YIPF7: variants seen among roughly 807,000 people sequenced by gnomAD.
YIPF7 encodes Yip1 domain family member 7.
A neutral mutation model predicts 27.2 loss-of-function variants in YIPF7; 35 were observed. The ratio of observed to expected loss-of-function variants is 1.29; its 90% CI spans 0.98 to 1.70. The LOEUF (loss-of-function observed/expected upper bound fraction) is 1.70. YIPF7 is among the 40% of genes most tolerant of loss of function. The pLI is 0.00. For missense variants in YIPF7, 358 were observed against 303.7 expected, an observed-to-expected ratio of 1.18 and a Z score of -1.33; for synonymous variants, 137 against 110.4, an observed-to-expected ratio of 1.24 and a Z score of -1.51.
upstream of YIPF7, among the ~76,000 whole-genome samples, chr4:44,652,837 C>T (rs534842048): frequency 4.6e-5 from 7 of 152,154 alleles, no homozygotes; most frequent in South Asian, 1.5e-3. Context: ...GTATTATTAT[C>T]CCATTTTACC....
At chr4:44,661,261 G>C (rs79747887) in intron 1 of YIPF7, among the ~76,000 whole-genome samples, 7,929 of 152,212 alleles carry the variant, frequency 0.052, 268 homozygotes, top group East Asian at 0.15. Flanking sequence ...TAAGACTTCA[G>C]ACAGATGTAA....
At chr4:44,625,330 T>A (rs1335915976) in intron 4 of YIPF7, among the ~76,000 whole-genome samples, 1 of 152,190 alleles carries the variant, frequency 6.6e-6, no homozygotes, top group African/African-American at 2.4e-5. Flanking sequence ...GCAGAGATGA[T>A]AAGTACCTTG....
intron 5 of YIPF7, among the ~76,000 whole-genome samples, chr4:44,623,809 T>C (rs1712523399): frequency 6.6e-6 from 1 of 152,180 alleles, no homozygotes; most frequent in African/African-American, 2.4e-5. Flanking sequence ...TATAAAGTTC[T>C]CCAACATTAA....
intron 3 of YIPF7, among the ~76,000 whole-genome samples, chr4:44,634,518 T>C (rs981432939): frequency 6.6e-6 from 1 of 151,874 alleles, no homozygotes. Flanking sequence ...GGCAACAGAG[T>C]AAGACTCCAT....
intron 1 of YIPF7, among the ~76,000 whole-genome samples, chr4:44,661,871 T>C (rs1714048717): frequency 6.6e-6 from 1 of 152,204 alleles, no homozygotes; most frequent in South Asian, 2.1e-4. Context: ...AATTACCAAG[T>C]TAATTGGTTT....
intron 2 of YIPF7, among the ~76,000 whole-genome samples, chr4:44,643,978 CCCACACAGAGTCT>C (rs1236545799): frequency 1.3e-5 from 2 of 152,050 alleles, no homozygotes; most frequent in Admixed American, 6.6e-5. Context: ...GGTTGAAGCC[CCCACACAGAGTCT>C]CCACACAGAG....
At chr4:44,661,592 T>C (rs180809872) in intron 1 of YIPF7, among the ~76,000 whole-genome samples, 1 of 152,330 alleles carries the variant, frequency 6.6e-6, no homozygotes. Context: ...TATGCATTTG[T>C]CATCCCTTGT....
chr4:44,641,726 A>G (rs1170869888), intron 2 of YIPF7, among the ~76,000 whole-genome samples: 1 of 152,216 alleles, frequency 6.6e-6, no homozygotes, highest in Non-Finnish European at 1.5e-5. Context: ...AAAGAAAGCC[A>G]CAGATATAGA....
chr4:44,622,949 G>A (rs888995120), intron 5 of YIPF7, among the ~76,000 whole-genome samples: 2 of 152,060 alleles, frequency 1.3e-5, no homozygotes, highest in East Asian at 3.9e-4. Flanking sequence ...CTCAAAAATT[G>A]GCCAACAGCG....
chr4:44,633,914 A>G (rs1713012048), intron 3 of YIPF7, among the ~76,000 whole-genome samples: 1 of 152,172 alleles, frequency 6.6e-6, no homozygotes, highest in African/African-American at 2.4e-5. Context: ...GGTACAAAGT[A>G]TTCCTTTTTC....
chr4:44,624,486 G>A (rs1257482790), intron 5 of YIPF7, 115 bp downstream of exon 5: 3 of 1,213,056 alleles, frequency 2.5e-6, no homozygotes, highest in African/African-American at 1.6e-5. Flanking sequence ...TAATAGCCAT[G>A]GTTTTCCCAG....
At chr4:44,632,769 G>A (rs893865255) in intron 3 of YIPF7, among the ~76,000 whole-genome samples, 1 of 152,100 alleles carries the variant, frequency 6.6e-6, no homozygotes, top group Non-Finnish European at 1.5e-5. Flanking sequence ...GACAAAAGAG[G>A]CTTGAGGCTT....
chr4:44,652,525 C>T (rs189390980), upstream of YIPF7, among the ~76,000 whole-genome samples: 2 of 152,230 alleles, frequency 1.3e-5, no homozygotes, highest in Admixed American at 6.5e-5. Context: ...GAGCCAACAG[C>T]AGAATGCTGG....
At chr4:44,652,423 C>G (rs561404873), upstream of YIPF7, among the ~76,000 whole-genome samples, 12 of 152,328 alleles carry the variant, frequency 7.9e-5, no homozygotes, top group Non-Finnish European at 1.5e-4. Flanking sequence ...ATTCTCTTTT[C>G]TAGGACTTAA....
chr4:44,651,697 A>G (rs1331552232), upstream of YIPF7: 3 of 1,144,110 alleles, frequency 2.6e-6, no homozygotes, highest in East Asian at 8.3e-5. Context: ...AGCAGATGCT[A>G]CAGTCAAAAA....
At chr4:44,632,066 T>C (rs1301414291) in intron 3 of YIPF7, among the ~76,000 whole-genome samples, 1 of 152,082 alleles carries the variant, frequency 6.6e-6, no homozygotes, top group African/African-American at 2.4e-5. Flanking sequence ...CGTCAAACCA[T>C]GAGGCAGTAA....
At chr4:44,638,608 A>T (rs1713218719) in intron 2 of YIPF7, among the ~76,000 whole-genome samples, 1 of 152,112 alleles carries the variant, frequency 6.6e-6, no homozygotes, top group Non-Finnish European at 1.5e-5. Context: ...TCCCCTGTCA[A>T]ATGAATATTC....
intron 3 of YIPF7, among the ~76,000 whole-genome samples, chr4:44,631,481 G>T (rs1475759082): frequency 6.6e-6 from 1 of 151,868 alleles, no homozygotes; most frequent in Non-Finnish European, 1.5e-5. Flanking sequence ...TGACACAGAG[G>T]ACCCTTATTC....
At chr4:44,635,794 C>T in intron 3 of YIPF7, 128 bp downstream of exon 3, 1 of 1,142,776 alleles carries the variant, frequency 8.8e-7, no homozygotes. Context: ...GTTCAGCAAA[C>T]TCTTGTTATA....
Sources: allele counts gnomAD v4.1 joint callset (sites outside exome capture counted in the v4.1 genomes callset), GRCh38; gene constraint gnomAD v4.1.1; transcripts MANE v1.5; gene names NCBI Gene and HGNC (gene_info 2026-07-23, HGNC 2026-07-21).